Variants in NECAB2 observed in about 807,000 individuals in gnomAD.
NECAB2 encodes N-terminal EF-hand calcium-binding protein 2.
NECAB2 carries 68 observed loss-of-function variants against 51.9 expected under a neutral mutation model. That is an observed-to-expected ratio of 1.31 (90% confidence interval 1.08 to 1.60). NECAB2 has a LOEUF of 1.60. Among genes scored for constraint, NECAB2 ranks in the 40% most tolerant of loss-of-function variants. NECAB2 has a pLI of 0.00. For missense variants in NECAB2, 854 were observed against 490.3 expected (o/e 1.74, Z -7.00); for synonymous variants, 329 against 203.5 (o/e 1.62, Z -5.25).
chr16:83,994,729 C>A, intron 8 of NECAB2, 41 bp downstream of exon 8: 1 of 1,596,848 alleles, frequency 6.3e-7, no homozygotes, highest in Non-Finnish European at 8.6e-7. Context: ...CCTTCCAACC[C>A]CTGAGGGAGT....
chr16:83,977,896 C>T (rs1377057351), intron 2 of NECAB2, among the ~76,000 whole-genome samples: 2 of 152,294 alleles, frequency 1.3e-5, no homozygotes, highest in East Asian at 1.9e-4. Context: ...TGGGAGCATG[C>T]AGAGACCACT....
At chr16:83,983,340 A>C (rs548937474) in intron 5 of NECAB2, among the ~76,000 whole-genome samples, 2 of 152,010 alleles carry the variant, frequency 1.3e-5, no homozygotes, top group African/African-American at 4.8e-5. Flanking sequence ...TTCCCTGTCT[A>C]TCCTGTGGCA....
At chr16:83,997,942 G>A (rs1337587965) in intron 9 of NECAB2, among the ~76,000 whole-genome samples, 4 of 152,168 alleles carry the variant, frequency 2.6e-5, no homozygotes, top group Non-Finnish European at 5.9e-5. Context: ...CTGTGCAGGT[G>A]GTTGTGGACA....
intron 3 of NECAB2, among the ~76,000 whole-genome samples, chr16:83,980,460 C>T (rs1040700532): frequency 5.3e-5 from 8 of 152,210 alleles, no homozygotes; most frequent in East Asian, 3.9e-4. Flanking sequence ...CAGGCAGGGT[C>T]GACTGGGGGT....
At chr16:83,967,915 CGGAT>C (rs1567660451), upstream of NECAB2, among the ~76,000 whole-genome samples, 3 of 125,178 alleles carry the variant, frequency 2.4e-5, no homozygotes, top group Admixed American at 1.6e-4. Flanking sequence ...GTCGGCCGGC[CGGAT>C]GGATGGATGG....
At chr16:83,970,202 C>T (rs1208990427) in intron 1 of NECAB2, among the ~76,000 whole-genome samples, 1 of 151,780 alleles carries the variant, frequency 6.6e-6, no homozygotes, top group East Asian at 2.0e-4. Context: ...GAGTGATGAG[C>T]GGGGGGTGGG....
Position 83,972,146 on chromosome 16 carries a change from T to C in NECAB2, c.202-5T>C, listed in dbSNP as rs2084356548. The C allele has an allele frequency of 1.2e-6, 2 of 1,613,292 alleles. No individual in the cohort carries two copies. Among genetic ancestry groups the C allele is most frequent in the Non-Finnish European group, 1.7e-6 (2 of 1,180,024 alleles). Reference sequence around the variant, plus strand: ...CAGGGCTGACTCCGCCTCTCTTTTCTGCAGATTTTCCGCCGTGCGGACAAA... The same window carrying C: ...CAGGGCTGACTCCGCCTCTCTTTTCCGCAGATTTTCCGCCGTGCGGACAAA... On this transcript the variant is annotated splice_region_variant and splice_polypyrimidine_tract_variant and intron_variant, in intron 1 of 12. Coordinates refer to ENST00000305202, the MANE Select transcript of NECAB2 (RefSeq NM_019065.3).
At chr16:83,994,762 G>A (rs1257368793) in intron 8 of NECAB2, 74 bp downstream of exon 8, 1 of 1,540,942 alleles carries the variant, frequency 6.5e-7, no homozygotes, top group Non-Finnish European at 8.9e-7. Context: ...CTGGAGTTCA[G>A]GACAAAAGTC....
intron 1 of NECAB2, among the ~76,000 whole-genome samples, chr16:83,971,266 T>C (rs967703165): frequency 6.6e-6 from 1 of 152,110 alleles, no homozygotes; most frequent in African/African-American, 2.4e-5. Context: ...GGTGTCAACA[T>C]TGGGCCTGGG....
chr16:83,978,599 G>T (rs1359619336), intron 3 of NECAB2, 47 bp downstream of exon 3: 4 of 1,477,038 alleles, frequency 2.7e-6, no homozygotes, highest in Middle Eastern at 1.7e-4. Flanking sequence ...TGTGGGCTGT[G>T]GTGGAGGCAT....
chr16:83,986,174 G>A (rs148715593), intron 5 of NECAB2, among the ~76,000 whole-genome samples: 1 of 151,962 alleles, frequency 6.6e-6, no homozygotes, highest in Non-Finnish European at 1.5e-5. Flanking sequence ...GCACCACCAC[G>A]CCCGGCTAAT....
At chr16:83,995,066 A>AG in intron 8 of NECAB2, among the ~76,000 whole-genome samples, 4 of 152,202 alleles carry the variant, frequency 2.6e-5, no homozygotes, top group African/African-American at 9.7e-5. Flanking sequence ...CACCAGGATG[A>AG]AAGAGAGACG....
chr16:83,972,854 C>T (rs1310209083), intron 2 of NECAB2, among the ~76,000 whole-genome samples: 1 of 152,222 alleles, frequency 6.6e-6, no homozygotes, highest in Non-Finnish European at 1.5e-5. Flanking sequence ...AGAGAATAAG[C>T]ACGTTTAGGC....
In NECAB2 at chr16:83,968,719, G is replaced by C; in HGVS notation, c.71G>C (p.Gly24Ala). ...HRLLREPPQQ[G>A]RALGGLLRWV... ...CTGCTCCGGGAGCCGCCGCAGCAGG[G>C]CCGGGCGCTGGGCGGGCTGCTGCGC... Residue 24 changes from glycine to alanine, a missense_variant, in exon 1 of 13, where the codon GGC (glycine) becomes GCC (alanine). Coordinates refer to ENST00000305202, the MANE Select transcript of NECAB2 (RefSeq NM_019065.3). 9.8e-7 allele frequency: 1 copy of C among 1,021,070 alleles called. No homozygotes were observed. The highest frequency in any genetic ancestry group is 1.2e-6 in the Non-Finnish European group (1 of 855,520). The allele number at this position is 1,021,070 out of a possible 1,614,324, so 63.3% of individuals were successfully genotyped here. A position where few individuals can be genotyped will look rare whatever the true frequency, so the allele number is the denominator to read the frequency against.
In NECAB2 at chr16:83,980,825, G is replaced by A; in HGVS notation, c.336-14G>A. ...TCTGTCTCTGTCTGTCTCTGCCTCTGTCTGTCTCTGCAGCCATGTGGACAC... is the reference window on the plus strand; with the variant it reads ...TCTGTCTCTGTCTGTCTCTGCCTCTATCTGTCTCTGCAGCCATGTGGACAC... On this transcript the variant is annotated splice_polypyrimidine_tract_variant and intron_variant, in intron 3 of 12. Coordinates refer to ENST00000305202, the MANE Select transcript of NECAB2 (RefSeq NM_019065.3). 6.4e-7 allele frequency: 1 copy of A among 1,574,238 alleles called. No individual in the cohort carries two copies. Among genetic ancestry groups the A allele is most frequent in the Non-Finnish European group, 8.6e-7 (1 of 1,159,274 alleles).
intron 5 of NECAB2, 97 bp downstream of exon 5, chr16:83,981,224 C>T: frequency 9.1e-7 from 1 of 1,104,314 alleles, no homozygotes; most frequent in Non-Finnish European, 1.4e-6. Flanking sequence ...GACAGGCCGC[C>T]AGGGAGGCCT....
At position 83,980,697 on chromosome 16, in the gene NECAB2, C is replaced by G. The variant is rs1003630370; in HGVS notation, c.336-142C>G. 6 of 1,157,570 alleles carry G rather than the reference C, an allele frequency of 5.2e-6. No individual in the cohort carries two copies. In the African/African-American group the frequency reaches 6.1e-5, roughly 12 times the overall value. The allele number at this position is 1,157,570 out of a possible 1,614,324, so 71.7% of individuals were successfully genotyped here. A position where few individuals can be genotyped will look rare whatever the true frequency, so the allele number is the denominator to read the frequency against. On this transcript the variant is annotated intron_variant, in intron 3 of 12. Transcript: ENST00000305202. ...GGGGGTGTCACCTACCTGCTGCACC[C>G]TCTTCTGTAAGGCGGAGCTTGTGGG...
At chr16:83,974,486 C>A (rs1433139901) in intron 2 of NECAB2, among the ~76,000 whole-genome samples, 2 of 152,146 alleles carry the variant, frequency 1.3e-5, no homozygotes, top group African/African-American at 2.4e-5. Flanking sequence ...TTCCTCTGTG[C>A]TCAGCAGGGA....
chr16:83,973,143 G>A (rs973867573), intron 2 of NECAB2, among the ~76,000 whole-genome samples: 1 of 152,340 alleles, frequency 6.6e-6, no homozygotes, highest in East Asian at 1.9e-4. Context: ...CAAGTACCAA[G>A]CCTGTGGCAG....
Sources: allele counts gnomAD v4.1 joint callset (sites outside exome capture counted in the v4.1 genomes callset), GRCh38; gene constraint gnomAD v4.1.1; transcripts MANE v1.5; gene names NCBI Gene and HGNC (gene_info 2026-07-23, HGNC 2026-07-21).